Variants in MYH15 observed in about 807,000 individuals in gnomAD.
MYH15 encodes myosin heavy chain 15.
MYH15 carries 227 observed loss-of-function variants against 240.5 expected under a neutral mutation model. The observed-to-expected ratio is 0.94, with a 90% confidence interval of 0.85 to 1.05. The LOEUF is 1.05. Among genes scored for constraint, MYH15 ranks in the 50% least tolerant of loss-of-function variants. MYH15 has a pLI of 0.00. For missense variants in MYH15, 2,217 were observed against 2,247.5 expected, an observed-to-expected ratio of 0.99 and a Z score of 0.27; for synonymous variants, 785 against 796.7, an observed-to-expected ratio of 0.99 and a Z score of 0.25.
At chr3:108,539,349 T>G in the MYH15 span, among the ~76,000 whole-genome samples, 1 of 152,198 alleles carries the variant, frequency 6.6e-6, no homozygotes, top group Non-Finnish European at 1.5e-5. Flanking sequence ...GATAGAGGTT[T>G]AGCAGGGACA....
chr3:108,435,086 C>A (rs546380355), intron 25 of MYH15, among the ~76,000 whole-genome samples: 105 of 152,238 alleles, frequency 6.9e-4, no homozygotes, highest in Non-Finnish European at 1.1e-3. Context: ...TATAGATTTT[C>A]CTTGGATTCT....
At chr3:108,383,022 C>A (rs2082354431) in intron 40 of MYH15, among the ~76,000 whole-genome samples, 1 of 152,038 alleles carries the variant, frequency 6.6e-6, no homozygotes, top group Non-Finnish European at 1.5e-5. Context: ...TGGCCTCTAC[C>A]ATTAGATTAG....
At chr3:108,381,653 T>C in intron 40 of MYH15, 94 bp from the exon 41 acceptor site, 1 of 1,389,276 alleles carries the variant, frequency 7.2e-7, no homozygotes, top group Non-Finnish European at 1.0e-6. Context: ...CTTCCAGAGG[T>C]AAGCAGGCCT....
chr3:108,530,162 C>A (rs9841742), upstream of MYH15, among the ~76,000 whole-genome samples: 2,913 of 152,262 alleles, frequency 0.019, 103 homozygotes, highest in African/African-American at 0.067. Flanking sequence ...GTAAACTAAA[C>A]ACTGCTCTTG....
chr3:108,470,354 T>A, intron 13 of MYH15, 142 bp from the exon 14 acceptor site: 1 of 582,494 alleles, frequency 1.7e-6, no homozygotes, highest in Non-Finnish European at 2.9e-6. Flanking sequence ...TCAATTAACT[T>A]AATTAATTGT....
At chr3:108,549,068 T>C in the MYH15 span, among the ~76,000 whole-genome samples, 1 of 152,198 alleles carries the variant, frequency 6.6e-6, no homozygotes, top group South Asian at 2.1e-4. Flanking sequence ...GGAACTGTGT[T>C]AATGTATACT....
intron 24 of MYH15, among the ~76,000 whole-genome samples, chr3:108,437,968 A>T (rs1254262737): frequency 6.6e-6 from 1 of 152,222 alleles, no homozygotes. Context: ...ATGGCCAGTG[A>T]GCCCTTGATT....
At chr3:108,515,159 C>T (rs1312236079), upstream of MYH15, among the ~76,000 whole-genome samples, 1 of 152,160 alleles carries the variant, frequency 6.6e-6, no homozygotes, top group Admixed American at 6.5e-5. Flanking sequence ...AACCAGGCTT[C>T]AGTATCTGAT....
At chr3:108,393,331 T>C (rs958124081) in intron 36 of MYH15, among the ~76,000 whole-genome samples, 2 of 152,140 alleles carry the variant, frequency 1.3e-5, no homozygotes, top group African/African-American at 4.8e-5. Flanking sequence ...AAGCTGAATC[T>C]GCCACACACA....
chr3:108,451,617 A>C (rs915407256), intron 21 of MYH15, among the ~76,000 whole-genome samples: 1 of 152,170 alleles, frequency 6.6e-6, no homozygotes, highest in African/African-American at 2.4e-5. Context: ...GACCAGTTAT[A>C]AACTGGTTCA....
At chr3:108,390,043 A>T (rs2082412501) in intron 37 of MYH15, among the ~76,000 whole-genome samples, 2 of 152,140 alleles carry the variant, frequency 1.3e-5, no homozygotes, top group Admixed American at 1.3e-4. Context: ...AGCCCATTTA[A>T]AGCAATCTTC....
rs1265331261 is a variant in MYH15 at position 108,381,575 on chromosome 3, T to C, written c.5767-16A>G. On this transcript the variant is annotated splice_polypyrimidine_tract_variant and intron_variant, in intron 40 of 40. Coordinates refer to ENST00000693548, the MANE Select transcript of MYH15 (RefSeq NM_014981.3). Reference sequence around the variant, plus strand: ...CTTCTTGAACCTGAAAAACAGAATGTCAGTGTGTTCTGTGAATTTCCTGTG... The same window carrying C: ...CTTCTTGAACCTGAAAAACAGAATGCCAGTGTGTTCTGTGAATTTCCTGTG... 6.2e-7 allele frequency: 1 copy of C among 1,613,220 alleles called. No individual in the cohort carries two copies. Among genetic ancestry groups the C allele is most frequent in the African/African-American group, 1.3e-5 (1 of 74,916 alleles).
intron 38 of MYH15, among the ~76,000 whole-genome samples, chr3:108,385,145 T>C (rs1386665544): frequency 6.6e-6 from 1 of 152,166 alleles, no homozygotes; most frequent in Non-Finnish European, 1.5e-5. Context: ...GTGGTGGTAG[T>C]GGGGGTGCAT....
intron 30 of MYH15, 71 bp from the exon 31 acceptor site, chr3:108,411,003 A>AT: frequency 7.6e-7 from 1 of 1,322,946 alleles, no homozygotes; most frequent in Non-Finnish European, 1.0e-6. Context: ...TCTGCCCTGG[A>AT]TTAAAGATAG....
chr3:108,410,031 C>A (rs553092624), intron 31 of MYH15, among the ~76,000 whole-genome samples: 10 of 152,136 alleles, frequency 6.6e-5, no homozygotes, highest in Non-Finnish European at 1.5e-4. Context: ...TGGAGCCGTG[C>A]TGGCTGGGCT....
intron 11 of MYH15, among the ~76,000 whole-genome samples, 172 bp downstream of exon 11, chr3:108,484,916 TAGG>T (rs2107595592): frequency 6.6e-6 from 1 of 152,298 alleles, no homozygotes; most frequent in South Asian, 2.1e-4. Flanking sequence ...TATTCTGTGA[TAGG>T]AGGATTCTAC....
Position 108,504,188 on chromosome 3 carries a change from T to G in MYH15, c.195+1535A>C, listed in dbSNP as rs377613352. Among the ~76,000 whole-genome samples the G allele has an allele frequency of 5.9e-5, 9 of 152,188 alleles. No individual in the cohort carries two copies. In the South Asian group the frequency reaches 1.0e-3, roughly 17 times the overall value. ...AGTGACTGCTAATGGGCACAAGATT[T>G]CTTTGGGGGATCTTTTCTAATAAAA... On this transcript the variant is annotated intron_variant, in intron 2 of 40. Coordinates refer to ENST00000693548, the MANE Select transcript of MYH15 (RefSeq NM_014981.3).
intron 17 of MYH15, 136 bp from the exon 18 acceptor site, chr3:108,459,585 A>G: frequency 1.9e-6 from 1 of 525,658 alleles, no homozygotes; most frequent in Non-Finnish European, 3.3e-6. Context: ...TAATGAATTC[A>G]ACATTCTTTA....
Position 108,470,812 on chromosome 3 carries a change from C to T in MYH15, c.1269G>A (p.Met423Ile), listed in dbSNP as rs1416969740. The change falls in exon 13 of 41, where the codon ATG (methionine) becomes ATA (isoleucine). Residue 423 changes from methionine to isoleucine, a missense_variant. Transcript: ENST00000693548. ...CTAGCCACTTAAACATCCTTTCATA[C>T]ATTGACTTGGACAGGGCACCGACAG... is the stretch of plus-strand genomic sequence containing the variant. ...TCAVGALSKS[M>I]YERMFKWLVA... The T allele has an allele frequency of 6.2e-7, 1 of 1,613,856 alleles. No homozygotes were observed. The highest frequency in any genetic ancestry group is 1.1e-5 in the South Asian group (1 of 91,066).
Sources: allele counts gnomAD v4.1 joint callset (sites outside exome capture counted in the v4.1 genomes callset), GRCh38; gene constraint gnomAD v4.1.1; transcripts MANE v1.5; gene names NCBI Gene and HGNC (gene_info 2026-07-23, HGNC 2026-07-21).